ZAN: variants seen among roughly 807,000 people sequenced by gnomAD.
ZAN encodes zonadhesin, also known as zonadhesin (gene/pseudogene).
A neutral mutation model predicts 286.2 loss-of-function variants in ZAN; 260 were observed. The observed-to-expected ratio is 0.91, with a 90% CI of 0.82 to 1.01. The LOEUF (loss-of-function observed/expected upper bound fraction) is 1.01, where lower values mean the gene tolerates loss of function less well. ZAN is among the 50% of genes least tolerant of loss of function. The pLI is 0.00. For synonymous variants in ZAN, 1,368 were observed against 1,417.5 expected, an observed-to-expected ratio of 0.97 and a Z score of 0.79; for missense variants, 3,410 against 3,639.2, an observed-to-expected ratio of 0.94 and a Z score of 1.62.
chr7:100,751,070 T>C (rs1365561100), intron 12 of ZAN, 112 bp from the exon 13 acceptor site: 1 of 1,346,748 alleles, frequency 7.4e-7, no homozygotes, highest in African/African-American at 1.5e-5. Flanking sequence ...CTGTTGAGGC[T>C]GGAACAAGGC....
Position 100,738,614 on chromosome 7 carries a change from G to T in ZAN, c.766+1G>T. The T allele has an allele frequency of 6.6e-7, 1 of 1,516,034 alleles. No homozygotes were observed. Among genetic ancestry groups the T allele is most frequent in the South Asian group, 1.1e-5 (1 of 88,124 alleles). The allele number at this position is 1,516,034 out of a possible 1,614,324, so 93.9% of individuals were successfully genotyped here. A position where few individuals can be genotyped will look rare whatever the true frequency, so the allele number is the denominator to read the frequency against. ...GATGGCGACTTCTCTAGCCCTGGTA[G>T]TGAGTAGCGGCCATGCTTCTGTCCC... On this transcript the variant is annotated splice_donor_variant, in intron 7 of 47. Coordinates refer to ENST00000613979, the MANE Select transcript of ZAN (RefSeq NM_003386.3). LOFTEE classifies it high-confidence loss of function.
rs2075671 is a variant in ZAN, at chr7:100,747,483, G to A, written c.932-67G>A. On this transcript the variant is annotated intron_variant, in intron 8 of 47. Coordinates refer to ENST00000613979, the MANE Select transcript of ZAN (RefSeq NM_003386.3). Reference sequence around the variant, plus strand: ...ATGCCCTCTGCTCCTCATCCTCCTAGGTATAGTTCAAAGTCGTTTCCCAGT... The same window carrying A: ...ATGCCCTCTGCTCCTCATCCTCCTAAGTATAGTTCAAAGTCGTTTCCCAGT... The A allele has an allele frequency of 0.2, 272,066 of 1,334,498 alleles. 30,079 individuals carry two copies. The highest frequency in any genetic ancestry group is 0.23 in the Non-Finnish European group (209,314 of 925,592). The allele number at this position is 1,334,498 out of a possible 1,614,324, so 82.7% of individuals were successfully genotyped here.
chr7:100,794,214 G>T lies in ZAN; in HGVS notation c.8081G>T (p.Gly2694Val). The T allele has an allele frequency of 1.2e-6, 2 of 1,613,608 alleles. No homozygotes were observed. Among genetic ancestry groups the T allele is most frequent in the Middle Eastern group, 3.3e-4 (2 of 6,034 alleles). The change falls in exon 44 of 48, where the codon GGG becomes GTG. Residue 2694 changes from glycine (G) to valine (V), a missense_variant. Physicochemically the swap from Gly to Val is moderately radical, Grantham distance 109. Around this residue, in one of 7 missense-constraint regions of ZAN, gnomAD observed 1,289 missense variants for 1,314.3 expected, o/e 0.98. Coordinates refer to ENST00000613979, the MANE Select transcript of ZAN (RefSeq NM_003386.3). ...TGTGAGCCCTTCAGCTGCAGAGCGG[G>T]GGAGGTCTGCACCCTGGGGAACCAC... Reference protein sequence around the residue: ...LLCEPFSCRAGEVCTLGNHTQ... With the variant: ...LLCEPFSCRAVEVCTLGNHTQ...
Position 100,763,658 on chromosome 7 carries a change from G to A in ZAN, c.3987-148G>A. 1.3e-6 allele frequency: 1 copy of A among 754,544 alleles called. No individual in the cohort carries two copies. The allele number at this position is 754,544 out of a possible 1,614,324, so 46.7% of individuals were successfully genotyped here. ...CGGCCTCCCACAGTGCCTGGCCAGGGCTCAGTGGTCAAACATCCTCTGGGA... is the reference window on the plus strand; with the variant it reads ...CGGCCTCCCACAGTGCCTGGCCAGGACTCAGTGGTCAAACATCCTCTGGGA... On this transcript the variant is annotated intron_variant, in intron 20 of 47. Coordinates refer to ENST00000613979, the MANE Select transcript of ZAN (RefSeq NM_003386.3). The surrounding 1 kb of genome is among the most constrained non-coding windows in gnomAD (Gnocchi z 4.6).
At position 100,747,531 on chromosome 7, in the gene ZAN, C is replaced by G; in HGVS notation, c.932-19C>G. 2 of 1,611,844 alleles carry G rather than the reference C, an allele frequency of 1.2e-6. No individual in the cohort carries two copies. Among genetic ancestry groups the G allele is most frequent in the African/African-American group, 1.3e-5 (1 of 75,028 alleles). The stretch of plus-strand genomic sequence containing the variant: ...AGTCCCCTTAAGCTCACTTCTCCTT[C>G]CAATTCCTTTCACTGCAGGGAGTAT... On this transcript the variant is annotated intron_variant, in intron 8 of 47. Coordinates refer to ENST00000613979, the MANE Select transcript of ZAN (RefSeq NM_003386.3).
intron 34 of ZAN, among the ~76,000 whole-genome samples, chr7:100,778,762 G>A (rs1181853014): frequency 6.6e-6 from 1 of 152,134 alleles, no homozygotes; most frequent in African/African-American, 2.4e-5. Context: ...GCCAGGCGTG[G>A]TGGCTCAGGC....
intron 31 of ZAN, among the ~76,000 whole-genome samples, chr7:100,774,809 C>CAGAG (rs911600677): frequency 9.3e-5 from 14 of 150,056 alleles, no homozygotes; most frequent in African/African-American, 3.4e-4. Flanking sequence ...GCCTGGGTGA[C>CAGAG]AGAGAGAGAC....
chr7:100,754,491 A>T (rs1809007502), intron 14 of ZAN, among the ~76,000 whole-genome samples: 1 of 151,814 alleles, frequency 6.6e-6, no homozygotes, highest in Admixed American at 6.6e-5. Flanking sequence ...ATAAATAAAT[A>T]AATGGAGTAT....
At position 100,791,963 on chromosome 7, in the gene ZAN, C is replaced by A; in HGVS notation, c.7530-3C>A. On this transcript the variant is annotated splice_region_variant and splice_polypyrimidine_tract_variant and intron_variant, in intron 40 of 47. Coordinates refer to ENST00000613979, the MANE Select transcript of ZAN (RefSeq NM_003386.3). ...CCTGACCCCGTGGCTGTCTCTACTG[C>A]AGGGCTATACCAGCGGAGGAGGAGG... The A allele has an allele frequency of 6.2e-7, 1 of 1,609,780 alleles. No individual in the cohort carries two copies. Among genetic ancestry groups the A allele is most frequent in the Non-Finnish European group, 8.5e-7 (1 of 1,178,114 alleles).
At position 100,762,741 on chromosome 7, in the gene ZAN, G is replaced by A. The variant is rs111314114; in HGVS notation, c.3986+383G>A. On this transcript the variant is annotated intron_variant, in intron 20 of 47. Transcript: ENST00000613979. The stretch of plus-strand genomic sequence containing the variant: ...CACCACCACGTCCAGCCCTCCACCC[G>A]CCCTTTTTTTTTTTTTGAGATGGGA... Among the ~76,000 whole-genome samples, 556 of 135,884 alleles carry A rather than the reference G, an allele frequency of 4.1e-3. 4 individuals are homozygous for A. The highest frequency in any genetic ancestry group is 0.014 in the African/African-American group (514 of 37,750). 89.1% of individuals were successfully genotyped at this position (135,884 alleles called of 152,430 possible). A position where few individuals can be genotyped will look rare whatever the true frequency, so the allele number is the denominator to read the frequency against.
intron 35 of ZAN, among the ~76,000 whole-genome samples, chr7:100,781,223 A>G (rs1038777193): frequency 2.7e-4 from 41 of 151,856 alleles, no homozygotes; most frequent in African/African-American, 9.7e-4. Context: ...ACGCACCACC[A>G]CACCCAGGTA....
chr7:100,782,682 TGTGTGTGTG>T (rs1562951602), intron 35 of ZAN, among the ~76,000 whole-genome samples: 2 of 140,098 alleles, frequency 1.4e-5, no homozygotes, highest in African/African-American at 5.7e-5. Context: ...GGGTTTTTTT[TGTGTGTGTG>T]TGTGTGTGTG....
intron 19 of ZAN, 52 bp from the exon 20 acceptor site, chr7:100,762,163 G>A (rs1048961848): frequency 1.7e-5 from 28 of 1,606,668 alleles, no homozygotes; most frequent in Non-Finnish European, 2.4e-5. Context: ...TGCCCCTCGA[G>A]GACCGAGGCT....
Position 100,792,480 on chromosome 7 carries a change from G to A in ZAN, c.7787+1G>A. The A allele has an allele frequency of 6.2e-7, 1 of 1,613,838 alleles. No individual in the cohort carries two copies. The highest frequency in any genetic ancestry group is 2.2e-5 in the East Asian group (1 of 44,878). ...AGCTGCGTTGCCAGGTCCTCAGTGG[G>A]TACGCCATCCTCTGCCAGGAGGCGG... On this transcript the variant is annotated splice_donor_variant, in intron 42 of 47. Coordinates refer to ENST00000613979, the MANE Select transcript of ZAN (RefSeq NM_003386.3). LOFTEE classifies it high-confidence loss of function.
intron 34 of ZAN, among the ~76,000 whole-genome samples, chr7:100,778,545 T>A (rs939438160): frequency 2.6e-5 from 4 of 151,990 alleles, no homozygotes; most frequent in African/African-American, 9.7e-5. Flanking sequence ...GAGATTGAAG[T>A]TGCAGTGAGC....
At chr7:100,780,294 AG>A (rs1811117270) in intron 35 of ZAN, among the ~76,000 whole-genome samples, 1 of 152,166 alleles carries the variant, frequency 6.6e-6, no homozygotes, top group African/African-American at 2.4e-5. Flanking sequence ...GGAATTCAAT[AG>A]AGTTTTTTTT....
At position 100,758,085 on chromosome 7, in the gene ZAN, CAAATAAATAAATAAAT is replaced by C. The variant is rs71517126; in HGVS notation, c.3310-88_3310-73del. ...TGGGCAACAGAGCAAGACTCCATCA[CAAATAAATAAATAAAT>C]AAATAAATAAATAAATAAATAAATA... On this transcript the variant is annotated intron_variant, in intron 15 of 47. Coordinates refer to ENST00000613979, the MANE Select transcript of ZAN (RefSeq NM_003386.3). 385 of 793,194 alleles carry C rather than the reference CAAATAAATAAATAAAT, an allele frequency of 4.9e-4. 1 individual carries two copies. Among genetic ancestry groups the C allele is most frequent in the South Asian group, 1.7e-3 (31 of 18,480 alleles). The allele number at this position is 793,194 out of a possible 1,614,324, so 49.1% of individuals were successfully genotyped here.
intron 38 of ZAN, 69 bp from the exon 39 acceptor site, chr7:100,789,149 C>A: frequency 2.6e-6 from 4 of 1,557,652 alleles, no homozygotes; most frequent in South Asian, 1.2e-5. Context: ...AAAAGTGAAG[C>A]CCAGCCAGGA....
Position 100,758,343 on chromosome 7 carries a change from G to A in ZAN, c.3451G>A (p.Ala1151Thr), listed in dbSNP as rs773449964. ...KNGQYGCHPY[A>T]GTATCLVYGD... ...TGGCCAGTATGGATGCCACCCCTAC[G>A]GTGAGAGCCCCTCCCCATGCTGTCC... Residue 1151 changes from alanine to threonine, a missense_variant and splice_region_variant, in exon 16 of 48, where the codon GCA (alanine) becomes ACA (threonine). Transcript: ENST00000613979. 22 of 1,611,700 alleles carry A rather than the reference G, an allele frequency of 1.4e-5. No homozygotes were observed. The highest frequency in any genetic ancestry group is 3.4e-4 in the Middle Eastern group (2 of 5,968).
Sources: allele counts gnomAD v4.1 joint callset (sites outside exome capture counted in the v4.1 genomes callset), GRCh38; gene constraint gnomAD v4.1.1; regional missense constraint gnomAD v4.1.1; non-coding constraint Gnocchi (gnomAD v3.1); transcripts MANE v1.5; gene names NCBI Gene and HGNC (gene_info 2026-07-23, HGNC 2026-07-21).